The following FN1 variants were observed in gnomAD, a reference collection of about 807,000 sequenced individuals.
The protein encoded by FN1 is fibronectin.
Under a neutral mutation model 297.3 loss-of-function variants are expected in FN1, and 106 were observed. That is an observed-to-expected ratio of 0.36 (90% CI 0.30 to 0.42). The LOEUF (loss-of-function observed/expected upper bound fraction) is 0.42. FN1 is among the 10% of genes least tolerant of loss of function. The probability of loss-of-function intolerance (pLI) is 1.00; values close to 1 mark genes in which losing one functional copy is unlikely to be tolerated. For synonymous variants in FN1, 1,149 were observed against 1,152.6 expected (o/e 1.00, Z 0.06); for missense variants, 2,690 against 3,124.9 (o/e 0.86, Z 3.32).
At chr2:215,394,774 T>A in intron 23 of FN1, 55 bp from the exon 24 acceptor site, 1 of 1,370,416 alleles carries the variant, frequency 7.3e-7, no homozygotes, top group Non-Finnish European at 1.0e-6. Context: ...AGCCAGAGCA[T>A]ATTTAACTAG....
intron 5 of FN1, among the ~76,000 whole-genome samples, chr2:215,429,518 C>T (rs2066090919): frequency 6.6e-6 from 1 of 152,128 alleles, no homozygotes; most frequent in Non-Finnish European, 1.5e-5. Context: ...AATACACACC[C>T]ACATCCATCT....
intron 1 of FN1, among the ~76,000 whole-genome samples, chr2:215,435,314 GACC>G (rs2067267607): frequency 6.6e-6 from 1 of 152,150 alleles, no homozygotes; most frequent in African/African-American, 2.4e-5. Flanking sequence ...TAGCAGTAAG[GACC>G]ACACTAATCC....
intron 44 of FN1, chr2:215,364,606 T>C: frequency 1.9e-6 from 1 of 534,636 alleles, no homozygotes; most frequent in Non-Finnish European, 3.4e-6. Context: ...TGACAGGTGT[T>C]GCTATTAAGA....
Position 215,404,434 on chromosome 2 carries a change from T to TA in FN1, c.3207_3208insT (p.Lys1070Ter). The TA allele has an allele frequency of 6.2e-7, 1 of 1,614,150 alleles. No homozygotes were observed. Among genetic ancestry groups the TA allele is most frequent in the South Asian group, 1.1e-5 (1 of 91,090 alleles). ...GCTTTGGGGCTCTCTTGGTTGCCCTTTATGGCCACGAGGGATACGGTGTAC... is the reference window on the plus strand; with the variant it reads ...GCTTTGGGGCTCTCTTGGTTGCCCTTATATGGCCACGAGGGATACGGTGTAC... On this transcript the variant is annotated frameshift_variant, in exon 20 of 46. Coordinates refer to ENST00000354785, the MANE Select transcript of FN1 (RefSeq NM_212482.4). LOFTEE classifies it high-confidence loss of function.
chr2:215,409,497 CA>C, intron 15 of FN1, 65 bp downstream of exon 15: 3 of 1,504,690 alleles, frequency 2.0e-6, no homozygotes, highest in South Asian at 2.3e-5. Context: ...AGAGGCCACC[CA>C]CCCCCACAAG....
rs762113137 is a variant in FN1 at position 215,422,108 on chromosome 2, G to A, written c.1529C>T (p.Ala510Val). 1.2e-6 allele frequency: 2 copies of A among 1,613,998 alleles called. No individual in the cohort carries two copies. Among genetic ancestry groups the A allele is most frequent in the African/African-American group, 1.3e-5 (1 of 74,926 alleles). Reference sequence around the variant, plus strand: ...CAGCATACCTCGAAGCTGCGAGTAGGCAATGCATGTCCATTCCCCACGACC... The same window carrying A: ...CAGCATACCTCGAAGCTGCGAGTAGACAATGCATGTCCATTCCCCACGACC... ...GNGRGEWTCIAYSQLRDQCIV... is the reference protein window; with the variant it reads ...GNGRGEWTCIVYSQLRDQCIV... Residue 510 changes from alanine to valine, a missense_variant, in exon 10 of 46, where the codon GCC becomes GTC. Transcript: ENST00000354785.
chr2:215,389,285 A>G (rs1044666124), intron 26 of FN1, among the ~76,000 whole-genome samples: 2 of 151,726 alleles, frequency 1.3e-5, no homozygotes, highest in African/African-American at 4.8e-5. Context: ...TGTATTTTTA[A>G]TAGAGACGGG....
intron 3 of FN1, among the ~76,000 whole-genome samples, chr2:215,432,239 G>C (rs1183119555): frequency 2.0e-5 from 3 of 152,098 alleles, no homozygotes; most frequent in African/African-American, 7.2e-5. Context: ...CAGGAAATTG[G>C]GTCCTAAGCA....
chr2:215,412,186 CT>C (rs961689546), intron 13 of FN1, among the ~76,000 whole-genome samples: 3 of 92,376 alleles, frequency 3.2e-5, no homozygotes, highest in African/African-American at 9.0e-5. Flanking sequence ...AAAAGAATGA[CT>C]TTTCTTTTTT....
At chr2:215,391,997 A>C in intron 25 of FN1, 183 bp from the exon 26 acceptor site, 1 of 615,688 alleles carries the variant, frequency 1.6e-6, no homozygotes. Flanking sequence ...AACACTACAC[A>C]CAGTACTGTT....
intron 20 of FN1, among the ~76,000 whole-genome samples, chr2:215,403,833 AAG>A (rs1431116376): frequency 1.3e-5 from 2 of 152,236 alleles, no homozygotes; most frequent in Non-Finnish European, 2.9e-5. Context: ...AACACTCATA[AAG>A]AAATCATTTC....
At chr2:215,414,988 C>T (rs773318563) in intron 12 of FN1, 30 bp from the exon 13 acceptor site, 1 of 1,571,328 alleles carries the variant, frequency 6.4e-7, no homozygotes, top group South Asian at 1.1e-5. Context: ...ATTTAATTAT[C>T]TTGAATATTC....
chr2:215,376,188 TCACTGTTTTTTATTTC>T (rs1371750474), intron 36 of FN1, among the ~76,000 whole-genome samples: 1 of 152,228 alleles, frequency 6.6e-6, no homozygotes, highest in Non-Finnish European at 1.5e-5. Context: ...GATCTATACA[TCACTGTTTTTTATTTC>T]TTTTAGTTTT....
intron 19 of FN1, 47 bp from the exon 20 acceptor site, chr2:215,404,702 G>A (rs2061549021): frequency 1.9e-6 from 3 of 1,545,810 alleles, no homozygotes; most frequent in Non-Finnish European, 1.8e-6. Context: ...GATCAGTAAT[G>A]ATCATAACTC....
intron 8 of FN1, 86 bp from the exon 9 acceptor site, chr2:215,423,612 G>C (rs1276847898): frequency 5.0e-6 from 6 of 1,208,558 alleles, no homozygotes; most frequent in African/African-American, 1.5e-5. Flanking sequence ...GAGAGAGCCA[G>C]GTTTCTGCAG....
At position 215,384,042 on chromosome 2, in the gene FN1, T is replaced by C; in HGVS notation, c.4872A>G (p.Pro1624=). The C allele has an allele frequency of 6.2e-7, 1 of 1,614,178 alleles. No individual in the cohort carries two copies. The highest frequency in any genetic ancestry group is 8.5e-7 in the Non-Finnish European group (1 of 1,180,016). The stretch of plus-strand genomic sequence containing the variant: ...TACCTGTTCGGTAATTAATGGAAAT[T>C]GGCTTGCTGCTTGCGGGGCTGTCTC... ...GRGDSPASSK[P]ISINYRTEID... The change falls in exon 30 of 46, where the codon CCA becomes CCG. Residue 1624 remains proline (P), a synonymous_variant. Transcript: ENST00000354785.
At chr2:215,421,252 T>A in intron 10 of FN1, 1 of 239,822 alleles carries the variant, frequency 4.2e-6, no homozygotes, top group Non-Finnish European at 8.2e-6. Flanking sequence ...GGGGAGGAGA[T>A]ACTTAGATTT....
rs1196219757 is a variant in FN1 at position 215,430,718 on chromosome 2, T to C, written c.682A>G (p.Arg228Gly). ...EGSGRITCTSRNRCNDQDTRT... is the reference protein window; with the variant it reads ...EGSGRITCTSGNRCNDQDTRT... ...AACATAAAGATGTAAAACATACTTC[T>C]AGAAGTGCAAGTGATGCGTCCGCTG... is the stretch of plus-strand genomic sequence containing the variant. Residue 228 changes from arginine to glycine, a missense_variant, in exon 5 of 46, where the codon AGA becomes GGA. Around this residue, in one of 3 missense-constraint regions of FN1, gnomAD observed 876 missense variants for 1,058.1 expected, o/e 0.83. Transcript: ENST00000354785. 1 of 1,613,942 alleles carries C rather than the reference T, an allele frequency of 6.2e-7. No individual in the cohort carries two copies.
intron 44 of FN1, 79 bp from the exon 45 acceptor site, chr2:215,362,158 A>G: frequency 1.9e-6 from 2 of 1,064,998 alleles, no homozygotes; most frequent in South Asian, 2.6e-5. Context: ...GAGTTAAAGA[A>G]AAATGTCACA....
Sources: allele counts gnomAD v4.1 joint callset (sites outside exome capture counted in the v4.1 genomes callset), GRCh38; gene constraint gnomAD v4.1.1; regional missense constraint gnomAD v4.1.1; transcripts MANE v1.5; gene names NCBI Gene and HGNC (gene_info 2026-07-23, HGNC 2026-07-21).